Variants in ROBO2 observed in about 807,000 individuals in gnomAD.
ROBO2 encodes the protein roundabout guidance receptor 2, also known as roundabout homolog 2.
A neutral mutation model predicts 160.8 loss-of-function variants in ROBO2; 53 were observed. The observed-to-expected ratio is 0.33, with a 90% CI of 0.26 to 0.41. The LOEUF (loss-of-function observed/expected upper bound fraction) is 0.41. ROBO2 is among the 10% of genes least tolerant of loss of function. The probability of loss-of-function intolerance (pLI) is 1.00; values close to 1 mark genes in which losing one functional copy is unlikely to be tolerated. For missense variants in ROBO2, 1,577 were observed against 1,722.4 expected, an observed-to-expected ratio of 0.92 and a Z score of 1.49; for synonymous variants, 664 against 611.7, an observed-to-expected ratio of 1.09 and a Z score of -1.26.
chr3:77,527,560 GT>G (rs549724622), intron 6 of ROBO2, 146 bp downstream of exon 7: 327 of 502,876 alleles, frequency 6.5e-4, no homozygotes, highest in African/African-American at 5.9e-3. Flanking sequence ...AGTTGCTCAT[GT>G]TTTTTTTACT....
intron 2 of ROBO2, among the ~76,000 whole-genome samples, chr3:76,135,767 C>T (rs2071405800): frequency 6.6e-6 from 1 of 152,112 alleles, no homozygotes; most frequent in South Asian, 2.1e-4. Flanking sequence ...CAACTATGCG[C>T]AATTCCCATT....
chr3:76,664,591 A>G (rs2091952411), intron 2 of ROBO2, among the ~76,000 whole-genome samples: 1 of 152,162 alleles, frequency 6.6e-6, no homozygotes, highest in Non-Finnish European at 1.5e-5. Flanking sequence ...ATGCGTTTGG[A>G]AAACGCTTCA....
At position 76,657,872 on chromosome 3, in the gene ROBO2, A is replaced by ATG. The variant is rs1372539919; in HGVS notation, c.110-440130_110-440129dup. 4.5e-3 allele frequency among the ~76,000 whole-genome samples: 658 copies of ATG among 147,314 alleles called. 7 individuals carry two copies. Among genetic ancestry groups the ATG allele is most frequent in the African/African-American group, 0.014 (556 of 40,154 alleles). ...ATGTGTATATATGAACATTATATAT[A>ATG]TGTGTGTGTGTGTATATATATATAT... On this transcript the variant is annotated intron_variant, in intron 2 of 26. Transcript: ENST00000487694.
At chr3:77,588,347 A>G (rs898008036) in intron 16 of ROBO2, among the ~76,000 whole-genome samples, 21 of 152,144 alleles carry the variant, frequency 1.4e-4, no homozygotes, top group Admixed American at 6.6e-4. Context: ...ACCGTGCCTT[A>G]GCAGAAAAGC....
chr3:75,966,053 G>T (rs1199264762), intron 2 of ROBO2, among the ~76,000 whole-genome samples: 1 of 151,566 alleles, frequency 6.6e-6, no homozygotes, highest in African/African-American at 2.4e-5. Flanking sequence ...TTATTTCTGC[G>T]AGAGGTCACA....
intron 2 of ROBO2, among the ~76,000 whole-genome samples, chr3:77,211,679 G>A (rs1440942679): frequency 6.6e-6 from 1 of 152,130 alleles, no homozygotes; most frequent in Non-Finnish European, 1.5e-5. Context: ...TAATGCCTAG[G>A]TTTTCTTCTA....
chr3:75,996,893 G>C (rs1036761093), intron 2 of ROBO2, among the ~76,000 whole-genome samples: 5 of 151,982 alleles, frequency 3.3e-5, no homozygotes, highest in African/African-American at 9.7e-5. Flanking sequence ...TACTCACTAT[G>C]CTGCATGATC....
chr3:76,757,744 G>C (rs2061063410), intron 2 of ROBO2, among the ~76,000 whole-genome samples: 1 of 151,750 alleles, frequency 6.6e-6, no homozygotes, highest in Non-Finnish European at 1.5e-5. Context: ...TTACACAAAT[G>C]AGTTTTTAAT....
At chr3:76,678,498 G>A (rs67942471) in intron 2 of ROBO2, among the ~76,000 whole-genome samples, 79,085 of 151,968 alleles carry the variant, frequency 0.52, 21,104 homozygotes, top group East Asian at 0.76. Context: ...TTCTGCATTA[G>A]CATTAATGTA....
chr3:77,449,566 G>T (rs541744915), intron 2 of ROBO2, among the ~76,000 whole-genome samples: 1 of 152,132 alleles, frequency 6.6e-6, no homozygotes, highest in East Asian at 1.9e-4. Context: ...CCATCTAGCT[G>T]TGTTTCCATT....
At chr3:76,091,016 G>A (rs2069210127) in intron 2 of ROBO2, among the ~76,000 whole-genome samples, 1 of 152,142 alleles carries the variant, frequency 6.6e-6, no homozygotes, top group African/African-American at 2.4e-5. Flanking sequence ...AGATAGCATA[G>A]GAGAAAATCT....
intron 2 of ROBO2, among the ~76,000 whole-genome samples, chr3:76,165,399 A>G (rs550785705): frequency 2.9e-4 from 44 of 151,504 alleles, no homozygotes; most frequent in South Asian, 1.7e-3. Flanking sequence ...AGAATTGAAG[A>G]GAGGGCCTTG....
chr3:76,521,782 T>A (rs2081631916), intron 2 of ROBO2, among the ~76,000 whole-genome samples: 1 of 152,188 alleles, frequency 6.6e-6, no homozygotes, highest in African/African-American at 2.4e-5. Flanking sequence ...GAAGTATATG[T>A]TCTTTCTAAG....
At chr3:77,068,699 A>G (rs1247787972) in intron 1 of ROBO2, among the ~76,000 whole-genome samples, 2 of 152,134 alleles carry the variant, frequency 1.3e-5, no homozygotes, top group Non-Finnish European at 2.9e-5. Flanking sequence ...TGGAAGTAGA[A>G]TACGTGAATA....
intron 2 of ROBO2, among the ~76,000 whole-genome samples, chr3:77,277,157 C>CTTTCT (rs1553882841): frequency 8.8e-4 from 78 of 88,206 alleles, no homozygotes; most frequent in Non-Finnish European, 1.2e-3. Flanking sequence ...TCCTTCTTTC[C>CTTTCT]TTCTTTCTTT....
chr3:77,143,396 G>A (rs545272969), intron 2 of ROBO2, among the ~76,000 whole-genome samples: 216 of 151,682 alleles, frequency 1.4e-3, no homozygotes, highest in Non-Finnish European at 2.3e-3. Context: ...GGGTTTCACC[G>A]TGTTGGCCAG....
chr3:76,427,531 T>A (rs1165798512), intron 2 of ROBO2, among the ~76,000 whole-genome samples: 2 of 152,156 alleles, frequency 1.3e-5, no homozygotes, highest in Non-Finnish European at 2.9e-5. Context: ...ATTCATGAAT[T>A]ATTTCATGGG....
At chr3:76,605,438 T>G (rs891771875) in intron 2 of ROBO2, among the ~76,000 whole-genome samples, 1 of 152,068 alleles carries the variant, frequency 6.6e-6, no homozygotes, top group Non-Finnish European at 1.5e-5. Flanking sequence ...GAAATTGAGC[T>G]AGAAAACATT....
intron 2 of ROBO2, among the ~76,000 whole-genome samples, chr3:76,288,482 C>CT (rs202114094): frequency 1.3e-3 from 183 of 144,632 alleles, no homozygotes; most frequent in African/African-American, 3.6e-3. Flanking sequence ...CAGACTAGAT[C>CT]TTTTTTTTTT....
Sources: allele counts gnomAD v4.1 joint callset (sites outside exome capture counted in the v4.1 genomes callset), GRCh38; gene constraint gnomAD v4.1.1; transcripts MANE v1.5; gene names NCBI Gene and HGNC (gene_info 2026-07-23, HGNC 2026-07-21).